The following TNNI3K variants were observed in gnomAD, a reference collection of about 807,000 sequenced individuals.
The protein encoded by TNNI3K is serine/threonine-protein kinase TNNI3K.
In TNNI3K, 140 loss-of-function variants were observed where a neutral mutation model predicts 114.5. The ratio of observed to expected loss-of-function variants is 1.22; its 90% CI spans 1.07 to 1.41. TNNI3K has a LOEUF of 1.41. TNNI3K is among the 40% of genes most tolerant of loss of function. TNNI3K has a pLI of 0.00. For missense variants in TNNI3K, 1,125 were observed against 1,007.6 expected (o/e 1.12, Z -1.58); for synonymous variants, 347 against 347.5 (o/e 1.00, Z 0.02).
chr1:74,372,495 A>G (rs1400948621), intron 17 of TNNI3K: 3 of 151,952 alleles, frequency 2.0e-5, no homozygotes, highest in African/African-American at 7.2e-5. Context: ...GTTTTCACAT[A>G]AAAGTCATTT....
intron 21 of TNNI3K, among the ~76,000 whole-genome samples, chr1:74,487,264 C>A (rs929435118): frequency 6.6e-5 from 10 of 152,040 alleles, no homozygotes; most frequent in African/African-American, 2.2e-4. Context: ...AGGAGTTGGC[C>A]TGAGAATCAG....
intron 17 of TNNI3K, among the ~76,000 whole-genome samples, chr1:74,425,025 G>C (rs772979185): frequency 6.6e-6 from 1 of 152,084 alleles, no homozygotes; most frequent in Non-Finnish European, 1.5e-5. Flanking sequence ...GTGCAGGCTA[G>C]AATATTTGGG....
intron 5 of TNNI3K, among the ~76,000 whole-genome samples, chr1:74,325,878 T>C (rs577870225): frequency 6.6e-6 from 1 of 152,324 alleles, no homozygotes; most frequent in Non-Finnish European, 1.5e-5. Context: ...TCATTTTGAA[T>C]TGATAAGTCA....
At chr1:74,247,899 T>C (rs1654681996) in intron 2 of TNNI3K, among the ~76,000 whole-genome samples, 1 of 152,112 alleles carries the variant, frequency 6.6e-6, no homozygotes, top group Non-Finnish European at 1.5e-5. Context: ...GCTGCGTGCC[T>C]GCACTCCTCA....
intron 21 of TNNI3K, among the ~76,000 whole-genome samples, chr1:74,474,002 C>G (rs895530491): frequency 6.6e-6 from 1 of 152,026 alleles, no homozygotes; most frequent in African/African-American, 2.4e-5. Flanking sequence ...CTGTTTTCTC[C>G]TCAAATACCT....
At position 74,358,517 on chromosome 1, in the gene TNNI3K, A is replaced by T. The variant is rs1210430605; in HGVS notation, c.1177+4388A>T. On this transcript the variant is annotated intron_variant, in intron 11 of 24. Transcript: ENST00000326637. ...ACAGTAAAAAAATAACTGAGAAATG[A>T]GGGTGGGAGAGGAGTACAAGTAAGA... Among the ~76,000 whole-genome samples the T allele has an allele frequency of 3.3e-5, 5 of 152,102 alleles. No individual in the cohort carries two copies. In the South Asian group the frequency reaches 1.0e-3, roughly 32 times the overall value.
rs370737894 is a variant in TNNI3K, at chr1:74,313,865, C to G, written c.445-17585C>G. 4.6e-5 allele frequency among the ~76,000 whole-genome samples: 7 copies of G among 151,878 alleles called. No homozygotes were observed. The East Asian group carries it at 9.7e-4, about 21-fold the overall frequency. Reference sequence around the variant, plus strand: ...ATTATATCATCAAATTTAATCCTCACTTAATGTTATTGATGAGAAAAACAG... The same window carrying G: ...ATTATATCATCAAATTTAATCCTCAGTTAATGTTATTGATGAGAAAAACAG... On this transcript the variant is annotated intron_variant, in intron 5 of 24. Transcript: ENST00000326637.
At chr1:74,392,201 G>A (rs1363666008) in intron 17 of TNNI3K, among the ~76,000 whole-genome samples, 3 of 152,054 alleles carry the variant, frequency 2.0e-5, no homozygotes, top group African/African-American at 4.8e-5. Flanking sequence ...AACTGGAGAG[G>A]GCTGTGGGTC....
rs45614933 is a variant in TNNI3K, at chr1:74,543,971, G to A, written c.2497G>A (p.Asp833Asn). 6.2e-7 allele frequency: 1 copy of A among 1,612,714 alleles called. No homozygotes were observed. Among genetic ancestry groups the A allele is most frequent in the African/African-American group, 1.3e-5 (1 of 74,842 alleles). Residue 833 changes from aspartate (D) to asparagine (N), a missense_variant, in exon 25 of 25, where the codon GAC becomes AAC. Coordinates refer to ENST00000326637, the MANE Select transcript of TNNI3K (RefSeq NM_015978.3). Reference sequence around the variant, plus strand: ...TTGCCGAAATAGTAGCAGCTTTGAGGACAGCAGCTGACAGCATTCGGCGTA... The same window carrying A: ...TTGCCGAAATAGTAGCAGCTTTGAGAACAGCAGCTGACAGCATTCGGCGTA... ...HSCRNSSSFE[D>N]SS is the part of the protein sequence containing the mutation.
intron 21 of TNNI3K, chr1:74,475,422 A>C: frequency 1.4e-6 from 1 of 717,032 alleles, no homozygotes. Flanking sequence ...AAGCTCTCAT[A>C]TTTCCAGGAG....
chr1:74,500,159 T>C (rs967278795), intron 23 of TNNI3K, among the ~76,000 whole-genome samples: 2 of 152,018 alleles, frequency 1.3e-5, no homozygotes, highest in Non-Finnish European at 2.9e-5. Context: ...CTATAATACC[T>C]CTTTATTTTA....
At position 74,463,435 on chromosome 1, in the gene TNNI3K, T is replaced by G; in HGVS notation, c.2012-6T>G. ...TTCAAAACTGACATGACCATTTGGT[T>G]TGCAGCGGCTGCGGCAGCAGACATG... On this transcript the variant is annotated splice_region_variant and splice_polypyrimidine_tract_variant and intron_variant, in intron 20 of 24. Coordinates refer to ENST00000326637, the MANE Select transcript of TNNI3K (RefSeq NM_015978.3). 6.2e-7 allele frequency: 1 copy of G among 1,614,200 alleles called. No individual in the cohort carries two copies. Among genetic ancestry groups the G allele is most frequent in the Non-Finnish European group, 8.5e-7 (1 of 1,180,036 alleles).
chr1:74,446,710 T>G (rs1231834907), intron 20 of TNNI3K, among the ~76,000 whole-genome samples: 1 of 145,196 alleles, frequency 6.9e-6, no homozygotes, highest in Non-Finnish European at 1.5e-5. Context: ...CTTGAATTGA[T>G]TTTTGTATAA....
At chr1:74,372,235 G>A (rs191615065) in intron 17 of TNNI3K, 148 of 151,812 alleles carry the variant, frequency 9.7e-4, no homozygotes, top group African/African-American at 3.3e-3. Flanking sequence ...CAGCTAGTCA[G>A]GAACAAAATA....
chr1:74,516,544 G>T (rs11210474), intron 23 of TNNI3K, among the ~76,000 whole-genome samples: 5 of 152,078 alleles, frequency 3.3e-5, no homozygotes, highest in Admixed American at 2.0e-4. Context: ...CCTATATGAG[G>T]CAGGGAGCAA....
intron 23 of TNNI3K, among the ~76,000 whole-genome samples, chr1:74,526,035 T>A (rs528844373): frequency 1.3e-5 from 2 of 152,222 alleles, no homozygotes; most frequent in East Asian, 3.8e-4. Context: ...AGGTTTGGTA[T>A]ACATTCGCTT....
At chr1:74,255,812 A>G (rs1655251802) in intron 4 of TNNI3K, among the ~76,000 whole-genome samples, 1 of 152,204 alleles carries the variant, frequency 6.6e-6, no homozygotes, top group African/African-American at 2.4e-5. Flanking sequence ...GTCTCTGGAA[A>G]CAAGTGTTTT....
chr1:74,291,820 A>G (rs539961975), intron 5 of TNNI3K, among the ~76,000 whole-genome samples: 1 of 151,636 alleles, frequency 6.6e-6, no homozygotes, highest in East Asian at 1.9e-4. Flanking sequence ...CCTAATATTG[A>G]TTCCAGTCTA....
intron 21 of TNNI3K, chr1:74,483,146 C>T (rs1322019635): frequency 1.3e-5 from 8 of 611,496 alleles, no homozygotes; most frequent in African/African-American, 1.1e-4. Context: ...GAAGTGTACT[C>T]ATTAAAGGGT....
Sources: gnomAD v4.1 joint callset for allele counts (sites outside exome capture counted in the v4.1 genomes callset) on GRCh38, gnomAD v4.1.1 for gene constraint, MANE v1.5 for transcripts, NCBI Gene and HGNC (gene_info 2026-07-23, HGNC 2026-07-21) for gene names.